The following CIB4 variants were observed in gnomAD, a reference collection of about 807,000 sequenced individuals.
CIB4 encodes calcium and integrin-binding family member 4.
Under a neutral mutation model 25.8 loss-of-function variants are expected in CIB4, and 25 were observed. The observed-to-expected ratio is 0.97, with a 90% CI of 0.71 to 1.35. CIB4 has a LOEUF of 1.35. Among genes scored for constraint, CIB4 ranks in the 40% most tolerant of loss-of-function variants. CIB4 has a pLI of 0.00. For synonymous variants in CIB4, 75 were observed against 81.4 expected (o/e 0.92, Z 0.42); for missense variants, 235 against 228.2 (o/e 1.03, Z -0.19).
At chr2:26,605,942 C>T (rs908214615) in intron 3 of CIB4, among the ~76,000 whole-genome samples, 1 of 152,204 alleles carries the variant, frequency 6.6e-6, no homozygotes, top group Non-Finnish European at 1.5e-5. Context: ...TTCAAAATCA[C>T]ACTCCCACCT....
chr2:26,600,553 C>A (rs1023487002), intron 3 of CIB4, among the ~76,000 whole-genome samples: 1 of 152,182 alleles, frequency 6.6e-6, no homozygotes, highest in Non-Finnish European at 1.5e-5. Flanking sequence ...GTCAGTCCTT[C>A]CTCAGTCTTG....
At chr2:26,606,823 A>G (rs1006343984) in intron 3 of CIB4, among the ~76,000 whole-genome samples, 1 of 152,220 alleles carries the variant, frequency 6.6e-6, no homozygotes. Flanking sequence ...AAAAACAGAG[A>G]GGCTCAAATG....
chr2:26,638,303 G>C (rs773061924), intron 2 of CIB4, among the ~76,000 whole-genome samples: 1 of 152,198 alleles, frequency 6.6e-6, no homozygotes, highest in Non-Finnish European at 1.5e-5. Flanking sequence ...AAACAGACTG[G>C]AAACAGGATC....
At chr2:26,591,108 C>T (rs977256276) in intron 4 of CIB4, among the ~76,000 whole-genome samples, 10 of 152,236 alleles carry the variant, frequency 6.6e-5, no homozygotes, top group South Asian at 2.1e-4. Flanking sequence ...CGGAGGCAGA[C>T]GTCTTTTGTG....
intron 3 of CIB4, among the ~76,000 whole-genome samples, chr2:26,602,423 T>TACATA: frequency 6.6e-6 from 1 of 152,130 alleles, no homozygotes; most frequent in East Asian, 1.9e-4. Context: ...TTACCACAAG[T>TACATA]ATACAAAGAG....
chr2:26,605,613 A>G, intron 3 of CIB4: 1 of 468,460 alleles, frequency 2.1e-6, no homozygotes, highest in Non-Finnish European at 4.4e-6. Context: ...CTTCAGCACT[A>G]GAGTATCTCT....
In CIB4 at chr2:26,581,257, G is replaced by T; in HGVS notation, c.*106C>A. 1 of 872,866 alleles carries T rather than the reference G, an allele frequency of 1.1e-6. No individual in the cohort carries two copies. 54.1% of individuals were successfully genotyped at this position (872,866 alleles called of 1,614,324 possible). On this transcript the variant is annotated 3_prime_UTR_variant, in exon 7 of 7. Transcript: ENST00000288861. ...TAAACAATATTCTAGAGGTGAGTGT[G>T]GGCCCAGTACAAAGTCATACTTCAA...
At chr2:26,586,563 T>C (rs1172290617) in intron 4 of CIB4, among the ~76,000 whole-genome samples, 1 of 152,220 alleles carries the variant, frequency 6.6e-6, no homozygotes, top group Non-Finnish European at 1.5e-5. Context: ...CTCACTGCTA[T>C]ATCCCAAGTG....
chr2:26,584,118 T>C (rs1668406205), intron 4 of CIB4, among the ~76,000 whole-genome samples: 1 of 152,198 alleles, frequency 6.6e-6, no homozygotes, highest in Admixed American at 6.5e-5. Flanking sequence ...GTGTGTGTAC[T>C]ACATGCTCAG....
intron 3 of CIB4, among the ~76,000 whole-genome samples, chr2:26,611,929 C>T (rs1226792388): frequency 6.6e-6 from 1 of 151,868 alleles, no homozygotes; most frequent in South Asian, 2.1e-4. Flanking sequence ...GGGGAAAAGA[C>T]GGCAAAAGAA....
At chr2:26,589,066 C>CTTCT (rs1668523432) in intron 4 of CIB4, among the ~76,000 whole-genome samples, 1 of 46,306 alleles carries the variant, frequency 2.2e-5, no homozygotes, top group African/African-American at 6.9e-5. Flanking sequence ...CTTCCTCTTC[C>CTTCT]TCTTCCTCTT....
At chr2:26,615,982 C>T (rs536928047) in intron 3 of CIB4, among the ~76,000 whole-genome samples, 12 of 152,332 alleles carry the variant, frequency 7.9e-5, no homozygotes, top group African/African-American at 1.7e-4. Flanking sequence ...CATCAGGCGT[C>T]GGGACCCTCC....
At chr2:26,641,071 T>C (rs1475538187) in intron 1 of CIB4, among the ~76,000 whole-genome samples, 190 bp downstream of exon 1, 1 of 152,228 alleles carries the variant, frequency 6.6e-6, no homozygotes, top group Non-Finnish European at 1.5e-5. Flanking sequence ...TTTTTTTTAT[T>C]AGCTCATCAG....
Position 26,601,098 on chromosome 2 carries a change from G to A in CIB4, c.187-5781C>T, listed in dbSNP as rs544996991. Among the ~76,000 whole-genome samples the A allele has an allele frequency of 1.0e-3, 157 of 151,700 alleles. 1 individual carries two copies. The highest frequency in any genetic ancestry group is 1.8e-3 in the Non-Finnish European group (120 of 67,922). On this transcript the variant is annotated intron_variant, in intron 3 of 6. Transcript: ENST00000288861. ...TGGCCAGGTATGGTCTTGCACGCCT[G>A]TAGTTCCAGGTACTTGGGAGGCTGA...
At chr2:26,584,927 C>T (rs1459692414) in intron 4 of CIB4, among the ~76,000 whole-genome samples, 1 of 152,174 alleles carries the variant, frequency 6.6e-6, no homozygotes, top group Admixed American at 6.5e-5. Context: ...AGGGCCCCTG[C>T]CTTCCAGGAC....
chr2:26,595,800 G>A (rs1331891018), intron 3 of CIB4, among the ~76,000 whole-genome samples: 1 of 152,198 alleles, frequency 6.6e-6, no homozygotes, highest in Non-Finnish European at 1.5e-5. Flanking sequence ...CTTTTCCCTG[G>A]GGACCTCCCC....
chr2:26,588,538 G>A (rs1668498469), intron 4 of CIB4, among the ~76,000 whole-genome samples: 1 of 152,222 alleles, frequency 6.6e-6, no homozygotes, highest in Non-Finnish European at 1.5e-5. Flanking sequence ...CAAAGACTCT[G>A]ACCATTGTCA....
Position 26,600,411 on chromosome 2 carries a change from A to C in CIB4, c.187-5094T>G, listed in dbSNP as rs1668760518. ...AGAGCAAGACTCTGACTCAAAAATA[A>C]ATAAATAAATAAACAAATAAAGAAA... is the stretch of plus-strand genomic sequence containing the variant. On this transcript the variant is annotated intron_variant, in intron 3 of 6. Coordinates refer to ENST00000288861, the MANE Select transcript of CIB4 (RefSeq NM_001029881.3). 3.9e-5 allele frequency among the ~76,000 whole-genome samples: 6 copies of C among 152,250 alleles called. No homozygotes were observed. In the South Asian group the frequency reaches 8.3e-4, roughly 21 times the overall value.
intron 3 of CIB4, among the ~76,000 whole-genome samples, chr2:26,623,244 G>A (rs1170242776): frequency 6.6e-6 from 1 of 152,012 alleles, no homozygotes; most frequent in Non-Finnish European, 1.5e-5. Flanking sequence ...TCGGGAGGCT[G>A]AGGCAGGAGG....
Sources: allele counts gnomAD v4.1 joint callset (sites outside exome capture counted in the v4.1 genomes callset), GRCh38; gene constraint gnomAD v4.1.1; transcripts MANE v1.5; gene names NCBI Gene and HGNC (gene_info 2026-07-23, HGNC 2026-07-21).